NDUFAF2: variants seen among roughly 807,000 people sequenced by gnomAD.
The protein encoded by NDUFAF2 is NADH dehydrogenase [ubiquinone] 1 alpha subcomplex assembly factor 2.
In NDUFAF2, 13 loss-of-function variants were observed where a neutral mutation model predicts 22.8. The ratio of observed to expected loss-of-function variants is 0.57; its 90% confidence interval spans 0.37 to 0.91. The LOEUF is 0.91. Ranked by LOEUF, NDUFAF2 falls within the 40% of genes least tolerant of loss-of-function variation. The probability of loss-of-function intolerance (pLI) is 0.01; values close to 1 mark genes in which losing one functional copy is unlikely to be tolerated. For synonymous variants in NDUFAF2, 53 were observed against 64.2 expected (o/e 0.83, Z 0.84); for missense variants, 162 against 195.2 (o/e 0.83, Z 1.01).
chr5:60,950,911 A>G (rs1750536161), intron 1 of NDUFAF2, among the ~76,000 whole-genome samples: 1 of 152,012 alleles, frequency 6.6e-6, no homozygotes. Flanking sequence ...CCTTTTCCAG[A>G]ATGTCATGTA....
intron 1 of NDUFAF2, among the ~76,000 whole-genome samples, chr5:61,035,424 GTTTTTTTTTTTTTTT>G (rs768889484): frequency 9.9e-5 from 4 of 40,522 alleles, no homozygotes; most frequent in Non-Finnish European, 1.8e-4. Flanking sequence ...CTCTTGCTCT[GTTTTTTTTTTTTTTT>G]TTTTTTTTTT....
rs375926710 is a variant in NDUFAF2, at chr5:61,137,661, T to C, written c.259-15043T>C. Among the ~76,000 whole-genome samples, 11 of 152,294 alleles carry C rather than the reference T, an allele frequency of 7.2e-5. No individual in the cohort carries two copies. In the East Asian group the frequency reaches 1.9e-3, roughly 27 times the overall value. On this transcript the variant is annotated intron_variant, in intron 3 of 3. Coordinates refer to ENST00000296597, the MANE Select transcript of NDUFAF2 (RefSeq NM_174889.5). ...TGTGTTTAAAGAACAAAGAAGCTAG[T>C]GAGGTTGAAGTATAATAACCAAAGC...
intron 3 of NDUFAF2, among the ~76,000 whole-genome samples, chr5:61,108,953 G>A (rs1026882817): frequency 3.9e-5 from 6 of 152,126 alleles, no homozygotes; most frequent in Non-Finnish European, 5.9e-5. Context: ...GTCTTCTGTG[G>A]TTCCATAATA....
chr5:61,045,863 G>A (rs891032540), intron 1 of NDUFAF2, among the ~76,000 whole-genome samples: 1 of 152,066 alleles, frequency 6.6e-6, no homozygotes, highest in Non-Finnish European at 1.5e-5. Context: ...ATATTGAATA[G>A]AAGTGGTGAG....
intron 1 of NDUFAF2, among the ~76,000 whole-genome samples, chr5:60,954,699 C>T (rs1750592287): frequency 6.6e-6 from 1 of 151,586 alleles, no homozygotes; most frequent in Non-Finnish European, 1.5e-5. Context: ...CCCGCCTCAG[C>T]CTCCCAAAGT....
At chr5:60,972,306 C>T (rs1262388403) in intron 1 of NDUFAF2, among the ~76,000 whole-genome samples, 9 of 151,596 alleles carry the variant, frequency 5.9e-5, no homozygotes, top group Non-Finnish European at 1.0e-4. Context: ...ACTCAAATCT[C>T]ACCTTTAGTT....
chr5:60,977,556 G>A (rs1750918445), intron 1 of NDUFAF2, among the ~76,000 whole-genome samples: 1 of 152,114 alleles, frequency 6.6e-6, no homozygotes, highest in Non-Finnish European at 1.5e-5. Flanking sequence ...GAAGCCACCA[G>A]GCCAGGTGTG....
intron 1 of NDUFAF2, among the ~76,000 whole-genome samples, chr5:61,054,508 G>A (rs889961998): frequency 6.6e-6 from 1 of 152,036 alleles, no homozygotes; most frequent in African/African-American, 2.4e-5. Flanking sequence ...GAGGAAAATG[G>A]TCTACACCTG....
intron 3 of NDUFAF2, among the ~76,000 whole-genome samples, chr5:61,121,825 C>CTTTTTT (rs1752979586): frequency 6.7e-6 from 1 of 149,536 alleles, no homozygotes; most frequent in Non-Finnish European, 1.5e-5. Flanking sequence ...CTTTCCTTTT[C>CTTTTTT]TTTTCTTTTT....
At chr5:61,081,916 A>G (rs1035589268) in intron 2 of NDUFAF2, among the ~76,000 whole-genome samples, 7 of 152,264 alleles carry the variant, frequency 4.6e-5, no homozygotes, top group Non-Finnish European at 1.5e-5. Flanking sequence ...TTGGAAAGCC[A>G]GCAGAAAGCA....
At chr5:60,972,090 A>T (rs2112573477) in intron 1 of NDUFAF2, among the ~76,000 whole-genome samples, 1 of 151,516 alleles carries the variant, frequency 6.6e-6, no homozygotes, top group East Asian at 2.0e-4. Flanking sequence ...TTACAGGCAT[A>T]CGCCACCGAG....
chr5:61,133,848 A>G (rs1753142014), intron 3 of NDUFAF2, among the ~76,000 whole-genome samples: 1 of 152,234 alleles, frequency 6.6e-6, no homozygotes, highest in Non-Finnish European at 1.5e-5. Flanking sequence ...GGAGACAGAA[A>G]GGCATAAAGG....
intron 3 of NDUFAF2, among the ~76,000 whole-genome samples, chr5:61,127,735 A>C (rs1358209090): frequency 3.3e-5 from 5 of 152,196 alleles, no homozygotes; most frequent in African/African-American, 4.8e-5. Context: ...AACTGGCACA[A>C]GACAGGGATG....
intron 1 of NDUFAF2, among the ~76,000 whole-genome samples, chr5:60,951,873 T>G (rs1750552093): frequency 6.6e-6 from 1 of 151,998 alleles, no homozygotes; most frequent in Admixed American, 6.6e-5. Context: ...GATAATAAAT[T>G]TTTAACCTAC....
At chr5:61,075,137 CT>C (rs1404878429) in intron 2 of NDUFAF2, among the ~76,000 whole-genome samples, 2 of 152,052 alleles carry the variant, frequency 1.3e-5, no homozygotes, top group Non-Finnish European at 2.9e-5. Context: ...CACCTAAGGC[CT>C]AAAAAGGTTA....
intron 1 of NDUFAF2, among the ~76,000 whole-genome samples, chr5:61,005,460 G>T (rs1369526996): frequency 6.6e-6 from 1 of 152,152 alleles, no homozygotes; most frequent in Non-Finnish European, 1.5e-5. Flanking sequence ...CCCAGTAATG[G>T]GATGGCTGGG....
chr5:61,127,685 T>A (rs1753055114), intron 3 of NDUFAF2, among the ~76,000 whole-genome samples: 1 of 152,164 alleles, frequency 6.6e-6, no homozygotes, highest in African/African-American at 2.4e-5. Flanking sequence ...ACAGCCAATA[T>A]CATACTGAAT....
At chr5:60,947,999 A>T (rs966905172) in intron 1 of NDUFAF2, among the ~76,000 whole-genome samples, 3 of 152,156 alleles carry the variant, frequency 2.0e-5, no homozygotes, top group Admixed American at 2.0e-4. Flanking sequence ...TTGACAAAAA[A>T]AATTGCCCAT....
intron 3 of NDUFAF2, among the ~76,000 whole-genome samples, chr5:61,125,041 C>G (rs1292102304): frequency 6.6e-6 from 1 of 151,948 alleles, no homozygotes; most frequent in African/African-American, 2.4e-5. Context: ...ATCATGAGAA[C>G]AGCATGGGGA....
Sources: gnomAD v4.1 joint callset for allele counts (sites outside exome capture counted in the v4.1 genomes callset) on GRCh38, gnomAD v4.1.1 for gene constraint, MANE v1.5 for transcripts, NCBI Gene and HGNC (gene_info 2026-07-23, HGNC 2026-07-21) for gene names.